Variants in TGS1 observed in about 807,000 individuals in gnomAD.
TGS1 encodes the protein trimethylguanosine synthase 1, also known as trimethylguanosine synthase.
TGS1 carries 69 observed loss-of-function variants against 92.2 expected under a neutral mutation model. That is an observed-to-expected ratio of 0.75 (90% CI 0.62 to 0.91). TGS1 has a LOEUF of 0.91. TGS1 is among the 40% of genes least tolerant of loss of function. TGS1 has a pLI of 0.00. For synonymous variants in TGS1, 345 were observed against 338.1 expected, an observed-to-expected ratio of 1.02 and a Z score of -0.22; for missense variants, 1,062 against 1,001.2, an observed-to-expected ratio of 1.06 and a Z score of -0.82.
intron 1 of TGS1, among the ~76,000 whole-genome samples, chr8:55,775,695 G>A (rs576772627): frequency 2.6e-4 from 39 of 151,448 alleles, no homozygotes; most frequent in Admixed American, 8.6e-4. Context: ...AGAGTAGATG[G>A]TATAAGCAGT....
At chr8:55,798,576 T>A (rs542671597) in intron 7 of TGS1, among the ~76,000 whole-genome samples, 1 of 152,360 alleles carries the variant, frequency 6.6e-6, no homozygotes, top group East Asian at 1.9e-4. Flanking sequence ...TAGGTACATT[T>A]GTAATGTAGC....
intron 6 of TGS1, 35 bp downstream of exon 6, chr8:55,792,819 T>C (rs772909522): frequency 3.1e-5 from 44 of 1,436,514 alleles, no homozygotes; most frequent in Non-Finnish European, 4.1e-5. Flanking sequence ...TTTCCAGAAG[T>C]CCTAACCACT....
At chr8:55,813,204 GAA>G in intron 12 of TGS1, 86 bp downstream of exon 12, 1 of 971,814 alleles carries the variant, frequency 1.0e-6, no homozygotes, top group South Asian at 1.5e-5. Flanking sequence ...CCTTACCAGA[GAA>G]TGTGTTTATG....
At position 55,788,607 on chromosome 8, in the gene TGS1, C is replaced by T. The variant is rs191189814; in HGVS notation, c.1162+1547C>T. Among the ~76,000 whole-genome samples the T allele has an allele frequency of 3.1e-3, 471 of 152,180 alleles. 5 individuals carry two copies. The highest frequency in any genetic ancestry group is 0.01 in the African/African-American group (418 of 41,530). On this transcript the variant is annotated intron_variant, in intron 4 of 12. Transcript: ENST00000260129. ...AGTAGCTGGGACTACAGGTGTGTGC[C>T]ACCACATACAGTTAATTTTTTTATT...
chr8:55,810,730 A>G, intron 10 of TGS1, 151 bp from the exon 11 acceptor site: 1 of 626,162 alleles, frequency 1.6e-6, no homozygotes. Flanking sequence ...TTTAAACTGA[A>G]GTCTGTATCT....
intron 12 of TGS1, among the ~76,000 whole-genome samples, chr8:55,814,558 T>C (rs1803421398): frequency 6.6e-6 from 1 of 150,764 alleles, no homozygotes. Flanking sequence ...GTGTGATGGC[T>C]CAGACCTGTA....
intron 6 of TGS1, among the ~76,000 whole-genome samples, chr8:55,794,747 A>G (rs1811993440): frequency 1.3e-5 from 2 of 152,390 alleles, no homozygotes. Context: ...TTTATCGTAC[A>G]TGACATGAAG....
In TGS1 at chr8:55,773,687, G is replaced by A. The variant is rs761903979; in HGVS notation, c.69G>A (p.Lys23=). The change falls in exon 1 of 13, where the codon AAG becomes AAA. Residue 23 remains lysine (K), a synonymous_variant. Transcript: ENST00000260129. ...TCATTGAGGAGCGGGAGGATTGTAA[G>A]ATACTGTGCCTTTGCTCCAGGGCAT... is the stretch of plus-strand genomic sequence containing the variant. ...FLFIEEREDC[K]ILCLCSRAFV... is the part of the protein sequence containing the mutation. The A allele has an allele frequency of 3.5e-5, 56 of 1,611,350 alleles. No homozygotes were observed. The South Asian group carries it at 5.6e-4, about 16-fold the overall frequency.
At chr8:55,796,264 C>G in intron 7 of TGS1, 112 bp downstream of exon 7, 2 of 773,526 alleles carry the variant, frequency 2.6e-6, no homozygotes, top group Non-Finnish European at 3.9e-6. Context: ...TATCAAGGTA[C>G]ATAATTTTTT....
At chr8:55,799,331 C>A in intron 8 of TGS1, 111 bp downstream of exon 8, 1 of 1,054,732 alleles carries the variant, frequency 9.5e-7, no homozygotes, top group Non-Finnish European at 1.3e-6. Context: ...GGAGTCACTG[C>A]TACTTATTTT....
At chr8:55,800,023 A>G (rs1261939884) in intron 8 of TGS1, among the ~76,000 whole-genome samples, 1 of 152,222 alleles carries the variant, frequency 6.6e-6, no homozygotes, top group Non-Finnish European at 1.5e-5. Flanking sequence ...GCACTTTTGT[A>G]TTCGAATTTT....
rs184446468 is a variant in TGS1, at chr8:55,790,734, A to T, written c.1280+435A>T. On this transcript the variant is annotated intron_variant, in intron 5 of 12. Coordinates refer to ENST00000260129, the MANE Select transcript of TGS1 (RefSeq NM_024831.8). ...GGGTCTCGCTATGTTGCCCAGGCTG[A>T]TCTCAAACTTCTGGCCTCAAGCGAT... Among the ~76,000 whole-genome samples, 236 of 152,116 alleles carry T rather than the reference A, an allele frequency of 1.6e-3. 1 individual carries two copies. The highest frequency in any genetic ancestry group is 5.2e-3 in the African/African-American group (217 of 41,518).
chr8:55,775,902 A>G (rs907365504), intron 1 of TGS1, among the ~76,000 whole-genome samples: 5 of 152,192 alleles, frequency 3.3e-5, no homozygotes, highest in Admixed American at 6.5e-5. Context: ...ACTGTCACCA[A>G]GTGTTTCAGT....
chr8:55,814,482 C>G (rs1803418247), intron 12 of TGS1, among the ~76,000 whole-genome samples: 1 of 151,612 alleles, frequency 6.6e-6, no homozygotes, highest in Admixed American at 6.6e-5. Context: ...TCCATTGTGT[C>G]TAAACATTAG....
intron 10 of TGS1, 59 bp from the exon 11 acceptor site, chr8:55,810,822 A>G (rs879260046): frequency 7.3e-7 from 1 of 1,370,054 alleles, no homozygotes; most frequent in African/African-American, 1.4e-5. Flanking sequence ...AAGACAAACT[A>G]TCCTATATAA....
At chr8:55,792,409 G>A (rs1811911700) in intron 5 of TGS1, among the ~76,000 whole-genome samples, 1 of 152,148 alleles carries the variant, frequency 6.6e-6, no homozygotes, top group African/African-American at 2.4e-5. Flanking sequence ...TTTTCCAAAG[G>A]AAAATTGAGA....
rs1256315257 is a variant in TGS1 at position 55,799,079 on chromosome 8, C to A, written c.1708C>A (p.Pro570Thr). 13 of 1,614,114 alleles carry A rather than the reference C, an allele frequency of 8.1e-6. No homozygotes were observed. Among genetic ancestry groups the A allele is most frequent in the Non-Finnish European group, 9.3e-6 (11 of 1,180,032 alleles). ...CCTACTGGAGACTAATAATCCAGAA[C>A]CTGAAAAGTGTCAGAGCGTATCTTC... ...DDLLETNNPE[P>T]EKCQSVSSAG... The change falls in exon 8 of 13, where the codon CCT (proline) becomes ACT (threonine). Residue 570 changes from proline to threonine, a missense_variant. By Grantham distance (38) the Pro-to-Thr change is conservative. Coordinates refer to ENST00000260129, the MANE Select transcript of TGS1 (RefSeq NM_024831.8).
chr8:55,803,387 G>T (rs545385901), intron 9 of TGS1, among the ~76,000 whole-genome samples: 1 of 152,122 alleles, frequency 6.6e-6, no homozygotes, highest in Non-Finnish European at 1.5e-5. Context: ...TCATATTGGG[G>T]TTACCTAAAT....
rs528180490 is a variant in TGS1 at position 55,781,425 on chromosome 8, A to AAGT, written c.102-1321_102-1319dup. On this transcript the variant is annotated intron_variant, in intron 1 of 12. Transcript: ENST00000260129. ...TAAATTTTAAAATAATAAAGTAAAT[A>AAGT]AGTAACCTTCAACAAGGGGAATCTT... Among the ~76,000 whole-genome samples the AAGT allele has an allele frequency of 5.6e-4, 84 of 150,366 alleles. No individual in the cohort carries two copies. The South Asian group carries it at 0.017, about 31-fold the overall frequency.
Sources: gnomAD v4.1 joint callset for allele counts (sites outside exome capture counted in the v4.1 genomes callset) on GRCh38, gnomAD v4.1.1 for gene constraint, MANE v1.5 for transcripts, NCBI Gene and HGNC (gene_info 2026-07-23, HGNC 2026-07-21) for gene names.